The following GALNT12 variants were observed in gnomAD, a reference collection of about 807,000 sequenced individuals.
The protein encoded by GALNT12 is polypeptide N-acetylgalactosaminyltransferase 12.
GALNT12 carries 45 observed loss-of-function variants against 55.5 expected under a neutral mutation model. That is an observed-to-expected ratio of 0.81 (90% CI 0.64 to 1.04). The LOEUF (loss-of-function observed/expected upper bound fraction) is 1.04, where lower values mean the gene tolerates loss of function less well. GALNT12 is among the 50% of genes least tolerant of loss of function. The pLI, the probability that GALNT12 is intolerant of heterozygous loss-of-function variation, is 0.00. For synonymous variants in GALNT12, 304 were observed against 312.2 expected (o/e 0.97, Z 0.28); for missense variants, 709 against 754.8 (o/e 0.94, Z 0.71).
chr9:98,834,889 T>C (rs923411516), intron 4 of GALNT12, among the ~76,000 whole-genome samples: 2 of 152,112 alleles, frequency 1.3e-5, no homozygotes, highest in African/African-American at 4.8e-5. Context: ...CCATTTCCCT[T>C]CTTCTTCTTG....
At chr9:98,829,181 CTA>C (rs1835934798) in intron 3 of GALNT12, among the ~76,000 whole-genome samples, 1 of 151,316 alleles carries the variant, frequency 6.6e-6, no homozygotes, top group Non-Finnish European at 1.5e-5. Flanking sequence ...ATCTATCTAT[CTA>C]TCTATCTATC....
intron 1 of GALNT12, among the ~76,000 whole-genome samples, chr9:98,818,242 A>G (rs1333200963): frequency 6.7e-6 from 1 of 149,300 alleles, no homozygotes. Context: ...TTTTTTTTTT[A>G]GACGAAGTCT....
chr9:98,833,931 T>C (rs997674916), intron 4 of GALNT12, among the ~76,000 whole-genome samples: 5 of 152,182 alleles, frequency 3.3e-5, no homozygotes, highest in African/African-American at 1.2e-4. Context: ...GGTACCAGCA[T>C]ATCCACCCTG....
chr9:98,808,813 A>AC (rs1288530466), intron 1 of GALNT12, among the ~76,000 whole-genome samples: 1 of 152,212 alleles, frequency 6.6e-6, no homozygotes, highest in African/African-American at 2.4e-5. Flanking sequence ...AGGAGGAAGG[A>AC]CAGGTGGCTG....
At position 98,826,960 on chromosome 9, in the gene GALNT12, A is replaced by G. The variant is rs772147423; in HGVS notation, c.731+19A>G. The G allele has an allele frequency of 8.4e-6, 13 of 1,552,270 alleles. No homozygotes were observed. Among genetic ancestry groups the G allele is most frequent in the African/African-American group, 1.4e-5 (1 of 73,242 alleles). Reference sequence around the variant, plus strand: ...TGCAGAGGTACGTGAGCCGCCCACCATGGGAGAGACAGCATGTTACCTGGA... The same window carrying G: ...TGCAGAGGTACGTGAGCCGCCCACCGTGGGAGAGACAGCATGTTACCTGGA... On this transcript the variant is annotated intron_variant, in intron 3 of 9. Transcript: ENST00000375011.
intron 2 of GALNT12, among the ~76,000 whole-genome samples, chr9:98,826,498 A>G (rs1350282036): frequency 6.6e-6 from 1 of 152,116 alleles, no homozygotes; most frequent in African/African-American, 2.4e-5. Context: ...GAAGTGTACA[A>G]TTCAACGTGC....
intron 1 of GALNT12, among the ~76,000 whole-genome samples, chr9:98,810,436 C>A (rs1362078520): frequency 6.6e-6 from 1 of 152,052 alleles, no homozygotes; most frequent in Non-Finnish European, 1.5e-5. Flanking sequence ...GAAAGCAATG[C>A]ATATTCACTC....
At chr9:98,827,049 C>T in intron 3 of GALNT12, 108 bp downstream of exon 3, 1 of 1,158,872 alleles carries the variant, frequency 8.6e-7, no homozygotes, top group Non-Finnish European at 1.2e-6. Flanking sequence ...CTGGGCTCAG[C>T]TGCTTCTCTG....
chr9:98,831,673 T>G, intron 3 of GALNT12, 99 bp from the exon 4 acceptor site: 2 of 1,301,626 alleles, frequency 1.5e-6, no homozygotes, highest in Non-Finnish European at 2.2e-6. Context: ...TCCTCCCTCT[T>G]ATTGGAAGGA....
Position 98,849,848 on chromosome 9 carries a change from T to C in GALNT12, c.*756T>C. 1 of 337,908 alleles carries C rather than the reference T, an allele frequency of 3.0e-6. No homozygotes were observed. Among genetic ancestry groups the C allele is most frequent in the Non-Finnish European group, 5.3e-6 (1 of 189,630 alleles). The allele number at this position is 337,908 out of a possible 1,614,324, so 20.9% of individuals were successfully genotyped here. The stretch of plus-strand genomic sequence containing the variant: ...AAACATGTTTATATCATTTTTAATT[T>C]TTATGATACGGTAGTGTCAGGGAGA... On this transcript the variant is annotated 3_prime_UTR_variant, in exon 10 of 10. Coordinates refer to ENST00000375011, the MANE Select transcript of GALNT12 (RefSeq NM_024642.5).
intron 1 of GALNT12, among the ~76,000 whole-genome samples, chr9:98,810,049 C>T (rs1238611562): frequency 1.3e-5 from 2 of 152,162 alleles, no homozygotes; most frequent in Non-Finnish European, 2.9e-5. Flanking sequence ...GTGTGGGTCT[C>T]TGTTGGGCCA....
rs117794626 is a variant in GALNT12, at chr9:98,816,749, C to G, written c.372-6507C>G. ...CACTGCCACCCCCGCCTCCCTGACTCAAACCATCCTTCCACCTCAGCCTCC... is the reference window on the plus strand; with the variant it reads ...CACTGCCACCCCCGCCTCCCTGACTGAAACCATCCTTCCACCTCAGCCTCC... On this transcript the variant is annotated intron_variant, in intron 1 of 9. Transcript: ENST00000375011. 5.2e-3 allele frequency among the ~76,000 whole-genome samples: 785 copies of G among 150,256 alleles called. 4 individuals carry two copies. The highest frequency in any genetic ancestry group is 0.023 in the South Asian group (108 of 4,734).
At chr9:98,831,259 C>T (rs1177711346) in intron 3 of GALNT12, among the ~76,000 whole-genome samples, 1 of 152,172 alleles carries the variant, frequency 6.6e-6, no homozygotes, top group Non-Finnish European at 1.5e-5. Context: ...TCACATTAAC[C>T]CTCTGAATGG....
chr9:98,817,050 T>G (rs1216538443), intron 1 of GALNT12, among the ~76,000 whole-genome samples: 1 of 152,082 alleles, frequency 6.6e-6, no homozygotes, highest in Non-Finnish European at 1.5e-5. Context: ...ATGGTCTTGA[T>G]CTCCTGACCT....
intron 3 of GALNT12, among the ~76,000 whole-genome samples, chr9:98,829,193 CT>C (rs1189184108): frequency 2.0e-5 from 3 of 150,034 alleles, no homozygotes; most frequent in Non-Finnish European, 3.0e-5. Context: ...ATCTATCTAT[CT>C]ATCTATCTAT....
rs767076585 is a variant in GALNT12, at chr9:98,840,046, G to A, written c.1257G>A (p.Lys419=). Residue 419 remains lysine, a synonymous_variant, in exon 7 of 10, where the codon AAG becomes AAA. Coordinates refer to ENST00000375011, the MANE Select transcript of GALNT12 (RefSeq NM_024642.5). ...DVTERKQLRD[K]LQCKDFKWFL... ...CAGAGAGGAAGCAGCTCCGGGACAA[G>A]CTCCAGTGTAAAGACTTCAAGTGGT... The A allele has an allele frequency of 6.2e-7, 1 of 1,614,212 alleles. No homozygotes were observed. The highest frequency in any genetic ancestry group is 8.5e-7 in the Non-Finnish European group (1 of 1,180,030).
chr9:98,827,059 G>C (rs576206183), intron 3 of GALNT12, 118 bp downstream of exon 3: 1 of 1,071,404 alleles, frequency 9.3e-7, no homozygotes, highest in African/African-American at 1.6e-5. Context: ...CTGCTTCTCT[G>C]TCACTGGGCA....
chr9:98,817,255 C>T (rs1033695458), intron 1 of GALNT12, among the ~76,000 whole-genome samples: 11 of 152,164 alleles, frequency 7.2e-5, no homozygotes, highest in Non-Finnish European at 1.5e-4. Flanking sequence ...TGTGAGCTAC[C>T]GCGCCTAGCC....
At chr9:98,808,530 A>G (rs996563262) in intron 1 of GALNT12, among the ~76,000 whole-genome samples, 3 of 152,242 alleles carry the variant, frequency 2.0e-5, no homozygotes, top group Admixed American at 6.5e-5. Context: ...AGCGCCCCAC[A>G]GGTGAAGCGA....
Sources: gnomAD v4.1 joint callset for allele counts (sites outside exome capture counted in the v4.1 genomes callset) on GRCh38, gnomAD v4.1.1 for gene constraint, MANE v1.5 for transcripts, NCBI Gene and HGNC (gene_info 2026-07-23, HGNC 2026-07-21) for gene names.